Variants in MMS22L observed in about 807,000 individuals in gnomAD.
MMS22L encodes the protein protein MMS22-like.
A neutral mutation model predicts 159.1 loss-of-function variants in MMS22L; 74 were observed. That is an observed-to-expected ratio of 0.47 (90% CI 0.39 to 0.56). The LOEUF is 0.56. MMS22L is among the 20% of genes least tolerant of loss of function. MMS22L has a pLI of 0.00. For synonymous variants in MMS22L, 517 were observed against 506.9 expected (o/e 1.02, Z -0.27); for missense variants, 1,351 against 1,422.1 (o/e 0.95, Z 0.80).
At chr6:97,242,704 GGTTT>G (rs1037221410) in intron 11 of MMS22L, among the ~76,000 whole-genome samples, 1 of 152,010 alleles carries the variant, frequency 6.6e-6, no homozygotes, top group African/African-American at 2.4e-5. Context: ...GCTTTAAAGA[GGTTT>G]GTTTGGTATA....
chr6:97,254,207 A>G (rs1008413720), intron 10 of MMS22L: 1 of 164,776 alleles, frequency 6.1e-6, no homozygotes, highest in Non-Finnish European at 1.3e-5. Context: ...GCCAATCATA[A>G]TAGATTTTAA....
At position 97,197,471 on chromosome 6, in the gene MMS22L, T is replaced by C. The variant is rs116529197; in HGVS notation, c.2040-10781A>G. Among the ~76,000 whole-genome samples, 538 of 152,246 alleles carry C rather than the reference T, an allele frequency of 3.5e-3. 4 individuals carry two copies. The highest frequency in any genetic ancestry group is 0.012 in the African/African-American group (505 of 41,562). On this transcript the variant is annotated intron_variant, in intron 14 of 24. Transcript: ENST00000683635. ...TAGTTAAGGTCCAGGATCTTTGTCC[T>C]TGGGGTTAAAGGCACTCAGAGGTGA...
At chr6:97,158,219 A>G (rs1324211892) in intron 22 of MMS22L, among the ~76,000 whole-genome samples, 2 of 151,380 alleles carry the variant, frequency 1.3e-5, no homozygotes, top group African/African-American at 2.4e-5. Flanking sequence ...TTTTCTTCTT[A>G]ATTAGTCTAG....
At chr6:97,282,632 A>G (rs1455696726) in intron 1 of MMS22L, 79 bp from the exon 2 acceptor site, 1 of 512,394 alleles carries the variant, frequency 2.0e-6, no homozygotes, top group Non-Finnish European at 3.4e-6. Flanking sequence ...AGCAGGAAGG[A>G]AAAACAAACG....
intron 11 of MMS22L, chr6:97,246,049 A>G: frequency 3.9e-6 from 1 of 253,546 alleles, no homozygotes; most frequent in Non-Finnish European, 8.0e-6. Context: ...AAAACTTTAC[A>G]GGGCTTCCAT....
At chr6:97,265,334 C>A (rs1814975949) in intron 8 of MMS22L, 1 of 152,068 alleles carries the variant, frequency 6.6e-6, no homozygotes, top group Non-Finnish European at 1.5e-5. Context: ...TTGTTTCACA[C>A]CATACAGAAA....
At position 97,231,325 on chromosome 6, in the gene MMS22L, CTAAT is replaced by C. The variant is rs1167065654; in HGVS notation, c.1529+97_1529+100del. 2.5e-5 allele frequency: 20 copies of C among 809,394 alleles called. 1 individual carries two copies. Among genetic ancestry groups the C allele is most frequent in the Admixed American group, 9.9e-5 (4 of 40,338 alleles). 50.1% of individuals were successfully genotyped at this position (809,394 alleles called of 1,614,324 possible). ...AATGGATTACCTAGTAACATTATAA[CTAAT>C]TAAGACTCTAATCCCAAGTAAACAT... On this transcript the variant is annotated intron_variant, in intron 13 of 24. Coordinates refer to ENST00000683635, the MANE Select transcript of MMS22L (RefSeq NM_001350599.2).
At chr6:97,265,676 AT>A (rs1815019691) in intron 8 of MMS22L, 1 of 152,106 alleles carries the variant, frequency 6.6e-6, no homozygotes, top group African/African-American at 2.4e-5. Context: ...AAACAACCCA[AT>A]TACAAAATTG....
chr6:97,172,687 AG>A (rs111245102), intron 19 of MMS22L, among the ~76,000 whole-genome samples: 1,544 of 152,298 alleles, frequency 0.01, 30 homozygotes, highest in African/African-American at 0.035. Flanking sequence ...GCATAGAAAT[AG>A]ATGTAAGCGA....
chr6:97,212,660 T>A (rs1808513547), intron 14 of MMS22L, among the ~76,000 whole-genome samples: 1 of 152,254 alleles, frequency 6.6e-6, no homozygotes, highest in Non-Finnish European at 1.5e-5. Flanking sequence ...GTGACAAGAC[T>A]TGTTGAAGAC....
intron 4 of MMS22L, among the ~76,000 whole-genome samples, chr6:97,274,328 A>G (rs1283898916): frequency 6.6e-6 from 1 of 152,134 alleles, no homozygotes; most frequent in East Asian, 1.9e-4. Context: ...TTATGGCTTT[A>G]TTTCACCCAT....
At chr6:97,249,742 T>C (rs1461473029) in intron 10 of MMS22L, among the ~76,000 whole-genome samples, 9 of 151,444 alleles carry the variant, frequency 5.9e-5, no homozygotes, top group Non-Finnish European at 8.8e-5. Flanking sequence ...TTTTTTTTTT[T>C]TTTTACCTAA....
intron 8 of MMS22L, chr6:97,265,424 T>A (rs1814988370): frequency 6.6e-6 from 1 of 152,064 alleles, no homozygotes; most frequent in Non-Finnish European, 1.5e-5. Flanking sequence ...GGAAAAGCTA[T>A]ATGACAATGG....
intron 14 of MMS22L, among the ~76,000 whole-genome samples, chr6:97,210,564 C>T (rs560730219): frequency 1.3e-5 from 2 of 151,998 alleles, no homozygotes; most frequent in South Asian, 4.1e-4. Context: ...TATTCAAGTT[C>T]CTGGTGCCCA....
At chr6:97,194,758 G>T (rs146147154) in intron 14 of MMS22L, among the ~76,000 whole-genome samples, 1 of 152,120 alleles carries the variant, frequency 6.6e-6, no homozygotes, top group Admixed American at 6.5e-5. Context: ...AAAAACCTTT[G>T]GGGGGAAGCA....
At chr6:97,267,664 A>G (rs989840547) in intron 8 of MMS22L, 14 of 342,330 alleles carry the variant, frequency 4.1e-5, no homozygotes, top group Admixed American at 9.6e-5. Flanking sequence ...AAAAAAGAAA[A>G]AAAGAAAAGC....
chr6:97,193,208 T>C (rs1045613502), intron 14 of MMS22L, among the ~76,000 whole-genome samples: 3 of 152,166 alleles, frequency 2.0e-5, no homozygotes, highest in Non-Finnish European at 4.4e-5. Context: ...CAACGATGTG[T>C]GATAATTTAC....
chr6:97,171,634 T>C (rs777445234), intron 19 of MMS22L, among the ~76,000 whole-genome samples: 3 of 152,194 alleles, frequency 2.0e-5, no homozygotes, highest in Non-Finnish European at 4.4e-5. Flanking sequence ...CTCCTTAATA[T>C]GAAAGGTGAT....
intron 14 of MMS22L, among the ~76,000 whole-genome samples, chr6:97,194,899 G>A (rs553917684): frequency 1.3e-5 from 2 of 152,000 alleles, no homozygotes; most frequent in African/African-American, 2.4e-5. Context: ...TACAGCATAC[G>A]TTCTAAGCAG....
Sources: allele counts gnomAD v4.1 joint callset (sites outside exome capture counted in the v4.1 genomes callset), GRCh38; gene constraint gnomAD v4.1.1; transcripts MANE v1.5; gene names NCBI Gene and HGNC (gene_info 2026-07-23, HGNC 2026-07-21).